CNTNAP2: variants seen among roughly 807,000 people sequenced by gnomAD.
The protein encoded by CNTNAP2 is contactin-associated protein-like 2.
CNTNAP2 carries 98 observed loss-of-function variants against 155.2 expected under a neutral mutation model. That is an observed-to-expected ratio of 0.63 (90% confidence interval 0.54 to 0.75). CNTNAP2 has a LOEUF of 0.75. Among genes scored for constraint, CNTNAP2 ranks in the 30% least tolerant of loss-of-function variants. The pLI, the probability that CNTNAP2 is intolerant of heterozygous loss-of-function variation, is 0.00. For synonymous variants in CNTNAP2, 651 were observed against 631.2 expected, an observed-to-expected ratio of 1.03 and a Z score of -0.47; for missense variants, 1,727 against 1,688.1, an observed-to-expected ratio of 1.02 and a Z score of -0.40.
At chr7:147,717,152 T>C (rs1467989834) in intron 13 of CNTNAP2, among the ~76,000 whole-genome samples, 1 of 152,068 alleles carries the variant, frequency 6.6e-6, no homozygotes, top group Admixed American at 6.6e-5. Context: ...TTCCTTTAGG[T>C]CCTATGGCTG....
rs1349681158 is a variant in CNTNAP2 at position 148,378,290 on chromosome 7, A to G, written c.3476-5359A>G. ...GGTAGAGCCGGGAGCAGAATCCAGGAGGAAGCCCCACTCAGCGGGGGTCTC... is the reference window on the plus strand; with the variant it reads ...GGTAGAGCCGGGAGCAGAATCCAGGGGGAAGCCCCACTCAGCGGGGGTCTC... On this transcript the variant is annotated intron_variant, in intron 21 of 23. Coordinates refer to ENST00000361727, the MANE Select transcript of CNTNAP2 (RefSeq NM_014141.6). Among the ~76,000 whole-genome samples, 7 of 67,780 alleles carry G rather than the reference A, an allele frequency of 1.0e-4. 3 individuals are homozygous for G. Among genetic ancestry groups the G allele is most frequent in the Admixed American group, 4.1e-4 (2 of 4,852 alleles). 44.5% of individuals were successfully genotyped at this position (67,780 alleles called of 152,430 possible).
At chr7:148,120,478 G>A (rs1804574737) in intron 16 of CNTNAP2, among the ~76,000 whole-genome samples, 2 of 151,982 alleles carry the variant, frequency 1.3e-5, no homozygotes, top group Admixed American at 6.6e-5. Flanking sequence ...TGTCGGCCAG[G>A]CTGGTCTCAA....
chr7:146,252,103 G>A (rs1184389308), intron 1 of CNTNAP2, among the ~76,000 whole-genome samples: 1 of 152,106 alleles, frequency 6.6e-6, no homozygotes, highest in Admixed American at 6.6e-5. Flanking sequence ...ACATACCAGG[G>A]GAGACAGAGG....
At chr7:146,784,300 G>A (rs1040566360) in intron 2 of CNTNAP2, among the ~76,000 whole-genome samples, 2 of 152,032 alleles carry the variant, frequency 1.3e-5, no homozygotes, top group Non-Finnish European at 2.9e-5. Flanking sequence ...AAATGGCTCT[G>A]GAATATTAAT....
intron 8 of CNTNAP2, among the ~76,000 whole-genome samples, chr7:147,178,837 A>G (rs1214401935): frequency 6.6e-6 from 1 of 152,102 alleles, no homozygotes; most frequent in African/African-American, 2.4e-5. Flanking sequence ...ACCGTTGATT[A>G]AGGCAGTAGT....
intron 1 of CNTNAP2, among the ~76,000 whole-genome samples, chr7:146,333,099 A>G (rs1801213225): frequency 6.6e-6 from 1 of 151,718 alleles, no homozygotes; most frequent in South Asian, 2.1e-4. Flanking sequence ...GTGTGCCACT[A>G]CTGCCTGGCT....
At chr7:146,987,312 A>G (rs963713330) in intron 3 of CNTNAP2, among the ~76,000 whole-genome samples, 11 of 152,130 alleles carry the variant, frequency 7.2e-5, no homozygotes, top group African/African-American at 2.7e-4. Flanking sequence ...CTTTATTTTA[A>G]AAGCATTTAT....
chr7:148,414,109 C>G lies in CNTNAP2; in HGVS notation c.3797-1308C>G, dbSNP rs1317373583. On this transcript the variant is annotated intron_variant, in intron 23 of 23. Transcript: ENST00000361727. ...TTTTTTTAGACAGAGTCCCCCCCCCCCCCCTCACACAAGCTGGAGTGCAGT... is the reference window on the plus strand; with the variant it reads ...TTTTTTTAGACAGAGTCCCCCCCCCGCCCCTCACACAAGCTGGAGTGCAGT... 4.9e-5 allele frequency among the ~76,000 whole-genome samples: 7 copies of G among 143,054 alleles called. No individual in the cohort carries two copies. The South Asian group carries it at 7.0e-4, about 14-fold the overall frequency. 93.8% of individuals were successfully genotyped at this position (143,054 alleles called of 152,430 possible). A position where few individuals can be genotyped will look rare whatever the true frequency, so the allele number is the denominator to read the frequency against.
intron 15 of CNTNAP2, among the ~76,000 whole-genome samples, chr7:147,994,509 G>T (rs548660641): frequency 2.2e-4 from 33 of 152,304 alleles, no homozygotes; most frequent in Middle Eastern, 6.8e-3. Flanking sequence ...GGGACCCAGT[G>T]GGAGATGATT....
At position 147,104,695 on chromosome 7, in the gene CNTNAP2, TAA is replaced by T. The variant is rs1237280475; in HGVS notation, c.551-3451_551-3450del. On this transcript the variant is annotated intron_variant, in intron 4 of 23. Coordinates refer to ENST00000361727, the MANE Select transcript of CNTNAP2 (RefSeq NM_014141.6). ...CAGTTTCAAATTATATATTCTTTTA[TAA>T]GTGTCTTTTATTAAGATTAATAAAA... 5.3e-5 allele frequency among the ~76,000 whole-genome samples: 8 copies of T among 150,864 alleles called. No homozygotes were observed. The East Asian group carries it at 1.2e-3, about 22-fold the overall frequency.
At chr7:147,550,270 T>C (rs1168177618) in intron 11 of CNTNAP2, among the ~76,000 whole-genome samples, 1 of 152,192 alleles carries the variant, frequency 6.6e-6, no homozygotes, top group Admixed American at 6.5e-5. Context: ...CCTTAAATTG[T>C]AATAATCCCC....
chr7:147,903,789 T>C, intron 14 of CNTNAP2, 68 bp downstream of exon 14: 1 of 1,570,016 alleles, frequency 6.4e-7, no homozygotes, highest in Non-Finnish European at 8.7e-7. Context: ...ACTCATGTGA[T>C]AGAAGAAAGT....
At chr7:147,348,334 T>C (rs1039819091) in intron 9 of CNTNAP2, among the ~76,000 whole-genome samples, 4 of 150,542 alleles carry the variant, frequency 2.7e-5, no homozygotes, top group Non-Finnish European at 4.4e-5. Flanking sequence ...AATGGGCAAA[T>C]GATCTGAATA....
chr7:146,822,368 GC>G (rs1376225681), intron 2 of CNTNAP2, among the ~76,000 whole-genome samples: 1 of 151,750 alleles, frequency 6.6e-6, no homozygotes, highest in Admixed American at 6.6e-5. Context: ...TATACCTAAT[GC>G]TAAATGACGA....
Position 148,415,493 on chromosome 7 carries a change from C to A in CNTNAP2, c.3873C>A (p.Gly1291=), listed in dbSNP as rs780026745. The A allele has an allele frequency of 5.0e-6, 8 of 1,614,090 alleles. No individual in the cohort carries two copies. In the African/African-American group the frequency reaches 1.1e-4, roughly 22 times the overall value. Residue 1291 remains glycine, a synonymous_variant, in exon 24 of 24, where the codon GGC becomes GGA. Coordinates refer to ENST00000361727, the MANE Select transcript of CNTNAP2 (RefSeq NM_014141.6). The part of the protein sequence containing the change: ...FLIRYMFRHK[G]TYHTNEAKGA... The stretch of plus-strand genomic sequence containing the variant: ...TCCGGTACATGTTCCGCCACAAGGG[C>A]ACCTACCATACCAACGAAGCAAAGG...
intron 1 of CNTNAP2, among the ~76,000 whole-genome samples, chr7:146,459,123 G>A (rs969826922): frequency 1.3e-5 from 2 of 152,186 alleles, no homozygotes; most frequent in African/African-American, 4.8e-5. Context: ...ACCATGTAAT[G>A]GAGAAATCAG....
At chr7:146,165,642 GTATC>G (rs1404762305) in intron 1 of CNTNAP2, among the ~76,000 whole-genome samples, 1 of 152,018 alleles carries the variant, frequency 6.6e-6, no homozygotes, top group Non-Finnish European at 1.5e-5. Flanking sequence ...ATCTAAATCT[GTATC>G]TATCTGTATG....
chr7:147,666,871 CAAAG>C (rs778595285), intron 13 of CNTNAP2, among the ~76,000 whole-genome samples: 59 of 152,136 alleles, frequency 3.9e-4, no homozygotes, highest in Non-Finnish European at 7.6e-4. Flanking sequence ...GCCATGATCT[CAAAG>C]AATGAGAACA....
intron 21 of CNTNAP2, among the ~76,000 whole-genome samples, chr7:148,295,605 C>T (rs189530699): frequency 0.059 from 7,793 of 131,994 alleles, 787 homozygotes; most frequent in African/African-American, 0.17. Context: ...CATTCTCCTG[C>T]CTCAGCCTCC....
Sources: gnomAD v4.1 joint callset for allele counts (sites outside exome capture counted in the v4.1 genomes callset) on GRCh38, gnomAD v4.1.1 for gene constraint, MANE v1.5 for transcripts, NCBI Gene and HGNC (gene_info 2026-07-23, HGNC 2026-07-21) for gene names.